SH2D4B: variants seen among roughly 807,000 people sequenced by gnomAD.
SH2D4B encodes the protein SH2 domain-containing protein 4B.
In SH2D4B, 45 loss-of-function variants were observed where a neutral mutation model predicts 61.5. The ratio of observed to expected loss-of-function variants is 0.73; its 90% confidence interval spans 0.58 to 0.94. The LOEUF is 0.94. SH2D4B is among the 40% of genes least tolerant of loss of function. The probability of loss-of-function intolerance (pLI) is 0.00; values close to 1 mark genes in which losing one functional copy is unlikely to be tolerated. For synonymous variants in SH2D4B, 224 were observed against 220.4 expected, an observed-to-expected ratio of 1.02 and a Z score of -0.14; for missense variants, 572 against 574.2, an observed-to-expected ratio of 1.00 and a Z score of 0.04.
At chr10:80,611,529 T>A (rs1470779405) in intron 6 of SH2D4B, among the ~76,000 whole-genome samples, 1 of 152,196 alleles carries the variant, frequency 6.6e-6, no homozygotes, top group African/African-American at 2.4e-5. Flanking sequence ...TCTCTGCCTC[T>A]CCCTTCTGTC....
chr10:80,639,554 T>C (rs1373648902), intron 7 of SH2D4B, among the ~76,000 whole-genome samples: 2 of 152,236 alleles, frequency 1.3e-5, no homozygotes, highest in Non-Finnish European at 2.9e-5. Context: ...TTTGTCTCTT[T>C]TGATCTTTGT....
intron 6 of SH2D4B, among the ~76,000 whole-genome samples, chr10:80,629,999 G>A (rs984956833): frequency 1.1e-4 from 16 of 152,202 alleles, no homozygotes; most frequent in South Asian, 4.1e-4. Flanking sequence ...AGCAGAAGAC[G>A]AAAGACTGAT....
At chr10:80,613,135 G>C (rs1165803002) in intron 6 of SH2D4B, among the ~76,000 whole-genome samples, 1 of 152,192 alleles carries the variant, frequency 6.6e-6, no homozygotes, top group Non-Finnish European at 1.5e-5. Flanking sequence ...AGAGGGGACT[G>C]GGAACAGGCT....
chr10:80,550,075 C>A (rs1230311368), intron 1 of SH2D4B, among the ~76,000 whole-genome samples: 5 of 27,446 alleles, frequency 1.8e-4, no homozygotes, highest in African/African-American at 6.8e-4. Flanking sequence ...TGGTGGGGAG[C>A]GGGGGGTGGG....
chr10:80,546,283 A>G (rs748570465), intron 1 of SH2D4B, among the ~76,000 whole-genome samples: 2 of 152,036 alleles, frequency 1.3e-5, no homozygotes, highest in Non-Finnish European at 2.9e-5. Context: ...TCTGGGCTCA[A>G]GCAATCCACC....
chr10:80,577,294 G>A (rs766612763), intron 3 of SH2D4B, among the ~76,000 whole-genome samples: 2 of 152,188 alleles, frequency 1.3e-5, no homozygotes, highest in African/African-American at 4.8e-5. Context: ...CCCAGTGAAT[G>A]ACCCCAACCA....
At chr10:80,589,172 T>C (rs2132130656) in intron 4 of SH2D4B, among the ~76,000 whole-genome samples, 1 of 151,800 alleles carries the variant, frequency 6.6e-6, no homozygotes. Context: ...CCCAGCTAAT[T>C]TTCGTATTTT....
rs1841726790 is a variant in SH2D4B, at chr10:80,549,295, G to GC, written c.184+10782dup. On this transcript the variant is annotated intron_variant, in intron 1 of 7. Coordinates refer to ENST00000646907, the MANE Select transcript of SH2D4B (RefSeq NM_001388272.1). ...TTTGGGGCATGGAGAGAGAGCTGGG[G>GC]CCAGACCTTTCTGTTCCATCTGCCT... Among the ~76,000 whole-genome samples, 3 of 152,142 alleles carry GC rather than the reference G, an allele frequency of 2.0e-5. No individual in the cohort carries two copies. The South Asian group carries it at 6.2e-4, about 32-fold the overall frequency.
At chr10:80,571,280 T>C in intron 2 of SH2D4B, 151 bp from the exon 3 acceptor site, 1 of 788,496 alleles carries the variant, frequency 1.3e-6, no homozygotes, top group South Asian at 1.9e-5. Context: ...TACACTCCCA[T>C]GCGTGAGAAT....
Position 80,571,471 on chromosome 10 carries a change from G to C in SH2D4B, c.388G>C (p.Ala130Pro), listed in dbSNP as rs1842041565. 6.2e-7 allele frequency: 1 copy of C among 1,614,068 alleles called. No individual in the cohort carries two copies. Among genetic ancestry groups the C allele is most frequent in the Non-Finnish European group, 8.5e-7 (1 of 1,180,044 alleles). The change falls in exon 3 of 8, where the codon GCT becomes CCT. Residue 130 changes from alanine (A) to proline (P), a missense_variant. Transcript: ENST00000646907. ...AGAGATCACCAAGAAGTTCCGGGAT[G>C]CTCTGGCCAATGAGAAAGCCCGGAT... ...EAEITKKFRD[A>P]LANEKARILA...
chr10:80,628,082 A>T (rs1231716018), intron 6 of SH2D4B, among the ~76,000 whole-genome samples: 3 of 151,986 alleles, frequency 2.0e-5, no homozygotes, highest in Admixed American at 6.6e-5. Flanking sequence ...CTCAGCCAGG[A>T]GGTTGTAGGG....
chr10:80,622,278 G>C (rs765066944), intron 6 of SH2D4B, among the ~76,000 whole-genome samples: 1 of 152,116 alleles, frequency 6.6e-6, no homozygotes, highest in Non-Finnish European at 1.5e-5. Context: ...GGGTTCTTAT[G>C]TATACATTGT....
intron 6 of SH2D4B, among the ~76,000 whole-genome samples, chr10:80,629,251 A>AGG (rs1842803382): frequency 6.6e-6 from 1 of 151,944 alleles, no homozygotes; most frequent in South Asian, 2.1e-4. Context: ...AGAGAGAGAG[A>AGG]GTGAGGGGGA....
intron 4 of SH2D4B, among the ~76,000 whole-genome samples, chr10:80,591,524 T>TTTTTTTG (rs1842326673): frequency 6.7e-6 from 1 of 149,482 alleles, no homozygotes. Context: ...TTTTTTTTTT[T>TTTTTTTG]GAGTCGGAGT....
At chr10:80,622,630 G>T (rs1842727870) in intron 6 of SH2D4B, among the ~76,000 whole-genome samples, 1 of 152,166 alleles carries the variant, frequency 6.6e-6, no homozygotes, top group Non-Finnish European at 1.5e-5. Flanking sequence ...GCCCTGGAGG[G>T]TCTCATGGTG....
intron 2 of SH2D4B, among the ~76,000 whole-genome samples, chr10:80,570,522 A>G (rs1213493021): frequency 1.3e-5 from 2 of 152,232 alleles, no homozygotes; most frequent in Non-Finnish European, 2.9e-5. Context: ...ACCCAGCCTT[A>G]ATGATGGTAT....
At chr10:80,597,245 G>A (rs1358138098) in intron 4 of SH2D4B, among the ~76,000 whole-genome samples, 3 of 152,160 alleles carry the variant, frequency 2.0e-5, no homozygotes, top group Admixed American at 1.3e-4. Context: ...CATCAATTGA[G>A]CTCCTACTGT....
At chr10:80,634,259 T>C in intron 6 of SH2D4B, 26 bp from the exon 7 acceptor site, 3 of 1,486,396 alleles carry the variant, frequency 2.0e-6, no homozygotes, top group South Asian at 1.3e-5. Flanking sequence ...TGCTGTGTTT[T>C]TTTGTTTTTT....
intron 3 of SH2D4B, among the ~76,000 whole-genome samples, chr10:80,587,217 C>T (rs1370084542): frequency 6.9e-6 from 1 of 144,826 alleles, no homozygotes; most frequent in East Asian, 2.0e-4. Context: ...CTCACTGCAA[C>T]CTCTGCCTCC....
Sources: gnomAD v4.1 joint callset for allele counts (sites outside exome capture counted in the v4.1 genomes callset) on GRCh38, gnomAD v4.1.1 for gene constraint, MANE v1.5 for transcripts, NCBI Gene and HGNC (gene_info 2026-07-23, HGNC 2026-07-21) for gene names.